SUPT3H: variants seen among roughly 807,000 people sequenced by gnomAD.
SUPT3H encodes the protein transcription initiation protein SPT3 homolog.
A neutral mutation model predicts 44.3 loss-of-function variants in SUPT3H; 44 were observed. The observed-to-expected ratio is 0.99, with a 90% CI of 0.78 to 1.28. SUPT3H has a LOEUF of 1.28. SUPT3H is among the 50% of genes most tolerant of loss of function. The probability of loss-of-function intolerance (pLI) is 0.00; values close to 1 mark genes in which losing one functional copy is unlikely to be tolerated. For synonymous variants in SUPT3H, 124 were observed against 125.6 expected, an observed-to-expected ratio of 0.99 and a Z score of 0.09; for missense variants, 380 against 387.1, an observed-to-expected ratio of 0.98 and a Z score of 0.15.
intron 2 of SUPT3H, among the ~76,000 whole-genome samples, chr6:45,128,704 G>A (rs1326755376): frequency 1.2e-5 from 1 of 86,206 alleles, no homozygotes; most frequent in Non-Finnish European, 2.3e-5. Context: ...TTTTTTTTTT[G>A]AGACAGAGTC....
chr6:44,907,646 C>T (rs549061778), intron 10 of SUPT3H, among the ~76,000 whole-genome samples: 2 of 152,280 alleles, frequency 1.3e-5, no homozygotes, highest in South Asian at 2.1e-4. Flanking sequence ...CCACTGCACT[C>T]CAGCCTGGGC....
intron 2 of SUPT3H, among the ~76,000 whole-genome samples, chr6:45,259,625 G>A (rs1562812322): frequency 6.6e-6 from 1 of 152,054 alleles, no homozygotes; most frequent in African/African-American, 2.4e-5. Flanking sequence ...GATTAGTATA[G>A]AAGTATCATA....
In SUPT3H at chr6:44,994,363, A is replaced by C. The variant is rs182153878; in HGVS notation, c.504+9290T>G. On this transcript the variant is annotated intron_variant, in intron 6 of 10. Transcript: ENST00000371459. ...TTTTACCACGTTGTGTCTTAGAGAA[A>C]ACTTCCTAGAGAGTTGAACAGAGCG... is the stretch of plus-strand genomic sequence containing the variant. Among the ~76,000 whole-genome samples the C allele has an allele frequency of 5.6e-4, 86 of 152,274 alleles. 1 individual carries two copies. The highest frequency in any genetic ancestry group is 2.0e-3 in the African/African-American group (85 of 41,572).
chr6:45,029,054 C>T (rs1019297797), intron 3 of SUPT3H, among the ~76,000 whole-genome samples: 1 of 151,784 alleles, frequency 6.6e-6, no homozygotes, highest in Non-Finnish European at 1.5e-5. Context: ...TCAGAATACT[C>T]TACATTTAAG....
intron 2 of SUPT3H, among the ~76,000 whole-genome samples, chr6:45,131,831 T>C (rs1803512381): frequency 6.6e-6 from 1 of 152,176 alleles, no homozygotes; most frequent in South Asian, 2.1e-4. Flanking sequence ...CCCCAAATAT[T>C]CAGGCTGGTT....
rs543265768 is a variant in SUPT3H at position 45,181,416 on chromosome 6, C to T, written c.102-75410G>A. Among the ~76,000 whole-genome samples, 275 of 152,112 alleles carry T rather than the reference C, an allele frequency of 1.8e-3. 1 individual carries two copies. Among genetic ancestry groups the T allele is most frequent in the African/African-American group, 6.2e-3 (255 of 41,452 alleles). ...ATGCTGCTATAAAGACACATGCACA[C>T]ATATGTTTATTGCGGCATTATTCAC... On this transcript the variant is annotated intron_variant, in intron 2 of 10. Transcript: ENST00000371459.
intron 6 of SUPT3H, among the ~76,000 whole-genome samples, chr6:45,000,014 T>G (rs1417670230): frequency 6.6e-6 from 1 of 151,976 alleles, no homozygotes; most frequent in African/African-American, 2.4e-5. Flanking sequence ...TATGTATATA[T>G]GGGCATAGTG....
chr6:45,129,017 T>A (rs1802988475), intron 2 of SUPT3H, among the ~76,000 whole-genome samples: 1 of 152,154 alleles, frequency 6.6e-6, no homozygotes, highest in Admixed American at 6.5e-5. Context: ...ACATTAACTA[T>A]GTATTCATGA....
Position 45,003,796 on chromosome 6 carries a change from C to T in SUPT3H, c.365-4G>A. Reference sequence around the variant, plus strand: ...TTATTGCTGCCACTCAATTTGTCTTCATGAAGTCAAGGGAAAGAAAAAAAG... The same window carrying T: ...TTATTGCTGCCACTCAATTTGTCTTTATGAAGTCAAGGGAAAGAAAAAAAG... On this transcript the variant is annotated splice_region_variant and splice_polypyrimidine_tract_variant and intron_variant, in intron 5 of 10. Coordinates refer to ENST00000371459, the MANE Select transcript of SUPT3H (RefSeq NM_003599.4). 2 of 1,613,222 alleles carry T rather than the reference C, an allele frequency of 1.2e-6. No individual in the cohort carries two copies. The highest frequency in any genetic ancestry group is 8.5e-7 in the Non-Finnish European group (1 of 1,179,632).
chr6:45,263,631 A>T (rs901334646), intron 2 of SUPT3H, among the ~76,000 whole-genome samples: 2 of 152,144 alleles, frequency 1.3e-5, no homozygotes, highest in Non-Finnish European at 2.9e-5. Context: ...CTGAATCTAA[A>T]ATAAAATTGG....
At chr6:45,323,012 TAG>T (rs1378550137) in intron 2 of SUPT3H, 8 of 1,213,368 alleles carry the variant, frequency 6.6e-6, no homozygotes, top group Non-Finnish European at 7.1e-6. Context: ...TCATCCTTAA[TAG>T]AGATACAGAC....
At chr6:45,261,373 A>G (rs560591164) in intron 2 of SUPT3H, among the ~76,000 whole-genome samples, 3 of 152,218 alleles carry the variant, frequency 2.0e-5, no homozygotes, top group Non-Finnish European at 2.9e-5. Context: ...GCTAACTGAC[A>G]ATGATAAAGT....
At chr6:45,362,939 T>G (rs1325566650) in intron 2 of SUPT3H, among the ~76,000 whole-genome samples, 1 of 152,066 alleles carries the variant, frequency 6.6e-6, no homozygotes, top group Non-Finnish European at 1.5e-5. Flanking sequence ...AGCTTTTAAT[T>G]TAATTTTTAA....
chr6:45,019,397 A>C (rs902991613), intron 4 of SUPT3H, among the ~76,000 whole-genome samples: 1 of 151,628 alleles, frequency 6.6e-6, no homozygotes, highest in Non-Finnish European at 1.5e-5. Context: ...CTAGCTTTTG[A>C]ATGTGTTTGC....
intron 2 of SUPT3H, among the ~76,000 whole-genome samples, chr6:45,139,212 TA>T (rs1804783035): frequency 2.0e-5 from 3 of 152,342 alleles, no homozygotes; most frequent in East Asian, 3.9e-4. Context: ...AAATGATACT[TA>T]AAAATATAAT....
chr6:45,284,067 C>G (rs979354093), intron 2 of SUPT3H, among the ~76,000 whole-genome samples: 5 of 151,846 alleles, frequency 3.3e-5, no homozygotes, highest in African/African-American at 1.2e-4. Flanking sequence ...CACAATGTAC[C>G]AGAATCTCTG....
intron 3 of SUPT3H, among the ~76,000 whole-genome samples, chr6:45,079,257 C>T (rs537709861): frequency 1.3e-5 from 2 of 152,186 alleles, no homozygotes; most frequent in Non-Finnish European, 2.9e-5. Context: ...TTGCAGTGAG[C>T]TGAGATCACA....
intron 3 of SUPT3H, among the ~76,000 whole-genome samples, chr6:45,065,083 A>G (rs1793011870): frequency 6.6e-6 from 1 of 150,720 alleles, no homozygotes; most frequent in Non-Finnish European, 1.5e-5. Flanking sequence ...CAGCAAATGT[A>G]AAAGAACAGA....
intron 9 of SUPT3H, among the ~76,000 whole-genome samples, chr6:44,953,099 C>T (rs369648366): frequency 4.6e-5 from 7 of 152,096 alleles, no homozygotes; most frequent in South Asian, 2.1e-4. Context: ...GCAAGAAAAA[C>T]GTGAAAAAAG....
Sources: allele counts gnomAD v4.1 joint callset (sites outside exome capture counted in the v4.1 genomes callset), GRCh38; gene constraint gnomAD v4.1.1; transcripts MANE v1.5; gene names NCBI Gene and HGNC (gene_info 2026-07-23, HGNC 2026-07-21).